Variants in MAP2K5 observed in about 807,000 individuals in gnomAD.
MAP2K5 encodes mitogen-activated protein kinase kinase 5.
Under a neutral mutation model 83.1 loss-of-function variants are expected in MAP2K5, and 49 were observed. That is an observed-to-expected ratio of 0.59 (90% CI 0.47 to 0.75). The LOEUF is 0.75. Among genes scored for constraint, MAP2K5 ranks in the 30% least tolerant of loss-of-function variants. MAP2K5 has a pLI of 0.00. For missense variants in MAP2K5, 457 were observed against 557.5 expected, an observed-to-expected ratio of 0.82 and a Z score of 1.82; for synonymous variants, 202 against 191.8, an observed-to-expected ratio of 1.05 and a Z score of -0.44.
rs1314645077 is a variant in MAP2K5, at chr15:67,738,837, C to T, written c.1075-9394C>T. 2.0e-5 allele frequency among the ~76,000 whole-genome samples: 3 copies of T among 152,160 alleles called. No individual in the cohort carries two copies. The highest frequency in any genetic ancestry group is 4.4e-5 in the Non-Finnish European group (3 of 68,036). ...AGGATATTTCTATGGTCTGCTTTCACCTTAGATGAGCAGCTTCCTCCTCCT... is the reference window on the plus strand; with the variant it reads ...AGGATATTTCTATGGTCTGCTTTCATCTTAGATGAGCAGCTTCCTCCTCCT... On this transcript the variant is annotated intron_variant, in intron 17 of 21. Transcript: ENST00000178640. The surrounding 1 kb of genome is among the most constrained non-coding windows in gnomAD (Gnocchi z 4.1).
chr15:67,571,016 G>T (rs763610806), intron 3 of MAP2K5, among the ~76,000 whole-genome samples: 14 of 152,182 alleles, frequency 9.2e-5, no homozygotes, highest in African/African-American at 3.1e-4. Flanking sequence ...TCCTCTGTAC[G>T]TGAGACTTGC....
chr15:67,640,263 A>G lies in MAP2K5; in HGVS notation c.586-5968A>G, dbSNP rs1596703461. Among the ~76,000 whole-genome samples the G allele has an allele frequency of 6.6e-6, 1 of 152,314 alleles. No homozygotes were observed. The highest frequency in any genetic ancestry group is 1.9e-4 in the East Asian group (1 of 5,192). On this transcript the variant is annotated intron_variant, in intron 9 of 21. Coordinates refer to ENST00000178640, the MANE Select transcript of MAP2K5 (RefSeq NM_145160.3). The surrounding 1 kb of genome is among the most constrained non-coding windows in gnomAD (Gnocchi z 4.6). ...CTTCTGTTTGTTCTTTAGTTCATTC[A>G]TCTTTTAAAGTAACATCTTGAAAGC...
At chr15:67,705,860 A>G (rs1265635020) in intron 16 of MAP2K5, among the ~76,000 whole-genome samples, 1 of 152,226 alleles carries the variant, frequency 6.6e-6, no homozygotes, top group South Asian at 2.1e-4. Context: ...ACCAAGATAG[A>G]GTACACTCTC....
Position 67,783,148 on chromosome 15 carries a change from T to C in MAP2K5, c.1242+10396T>C, listed in dbSNP as rs1209330699. On this transcript the variant is annotated intron_variant, in intron 21 of 21. Transcript: ENST00000178640. This position sits in a 1 kb window ranked among gnomAD's most constrained non-coding sequence, Gnocchi z 5.1. Reference sequence around the variant, plus strand: ...CACTCGCCATTTTTATGTCTTAGCATCTGCTCTGTGCCCAGCATCCTGCCT... The same window carrying C: ...CACTCGCCATTTTTATGTCTTAGCACCTGCTCTGTGCCCAGCATCCTGCCT... 6.6e-6 allele frequency among the ~76,000 whole-genome samples: 1 copy of C among 152,216 alleles called. No homozygotes were observed. The highest frequency in any genetic ancestry group is 1.5e-5 in the Non-Finnish European group (1 of 68,028).
chr15:67,610,470 G>A (rs542159278), intron 8 of MAP2K5, among the ~76,000 whole-genome samples: 15 of 152,242 alleles, frequency 9.9e-5, no homozygotes, highest in East Asian at 1.9e-4. Flanking sequence ...TTCGAAAATC[G>A]TAGTCTCTTG....
intron 13 of MAP2K5, among the ~76,000 whole-genome samples, chr15:67,685,990 C>T (rs2087942638): frequency 6.6e-6 from 1 of 152,132 alleles, no homozygotes; most frequent in African/African-American, 2.4e-5. Flanking sequence ...TGACTCTTTA[C>T]AGGAAAAGTT....
At chr15:67,789,399 T>C (rs1306182267) in intron 21 of MAP2K5, among the ~76,000 whole-genome samples, 1 of 152,218 alleles carries the variant, frequency 6.6e-6, no homozygotes, top group Non-Finnish European at 1.5e-5. Context: ...GATTTTAATC[T>C]TTGCCAACCT....
chr15:67,787,812 A>C (rs2090445103), intron 21 of MAP2K5, among the ~76,000 whole-genome samples: 1 of 152,238 alleles, frequency 6.6e-6, no homozygotes, highest in Non-Finnish European at 1.5e-5. Context: ...ATGTTGACCT[A>C]ACTGTAGGCT....
At position 67,630,892 on chromosome 15, in the gene MAP2K5, T is replaced by C. The variant is rs373083413; in HGVS notation, c.550T>C (p.Tyr184His). 1.2e-6 allele frequency: 2 copies of C among 1,608,412 alleles called. No individual in the cohort carries two copies. Among genetic ancestry groups the C allele is most frequent in the Non-Finnish European group, 1.7e-6 (2 of 1,176,140 alleles). ...TGTTTTTTTTTCTTCCCATAGAGCATATCATGTCCCGAGTGGGAAAATATT... is the reference window on the plus strand; with the variant it reads ...TGTTTTTTTTTCTTCCCATAGAGCACATCATGTCCCGAGTGGGAAAATATT... ...HGNGGTVYKA[Y>H]HVPSGKILAV... The change falls in exon 9 of 22, where the codon TAT becomes CAT. Residue 184 changes from tyrosine (Y) to histidine (H), a missense_variant. Physicochemically the swap from Tyr to His is moderately conservative, Grantham distance 83. Coordinates refer to ENST00000178640, the MANE Select transcript of MAP2K5 (RefSeq NM_145160.3).
chr15:67,733,959 T>A (rs2089283234), intron 17 of MAP2K5, among the ~76,000 whole-genome samples: 1 of 152,240 alleles, frequency 6.6e-6, no homozygotes, highest in South Asian at 2.1e-4. Flanking sequence ...AGGTGGCATT[T>A]GCTTCAGAAC....
At chr15:67,626,360 G>GA (rs2086322170) in intron 8 of MAP2K5, among the ~76,000 whole-genome samples, 1 of 151,834 alleles carries the variant, frequency 6.6e-6, no homozygotes. Flanking sequence ...TTGTCTCTAT[G>GA]AAAAATACAA....
rs1341188142 is a variant in MAP2K5, at chr15:67,780,084, T to A, written c.1242+7332T>A. Among the ~76,000 whole-genome samples the A allele has an allele frequency of 6.6e-6, 1 of 152,212 alleles. No homozygotes were observed. The stretch of plus-strand genomic sequence containing the variant: ...CTTCCTTCTCTGAAGCCCTTCAGCA[T>A]GTATTGTGTCTAGGTTGGAACAGCA... On this transcript the variant is annotated intron_variant, in intron 21 of 21. Transcript: ENST00000178640. The surrounding 1 kb of genome is among the most constrained non-coding windows in gnomAD (Gnocchi z 5.0).
At chr15:67,596,071 A>C (rs1013745647) in intron 7 of MAP2K5, among the ~76,000 whole-genome samples, 1 of 151,828 alleles carries the variant, frequency 6.6e-6, no homozygotes, top group Non-Finnish European at 1.5e-5. Context: ...GATCAGATCT[A>C]GAACTAATTC....
intron 3 of MAP2K5, among the ~76,000 whole-genome samples, chr15:67,579,243 CAT>C (rs2085128205): frequency 6.6e-6 from 1 of 152,078 alleles, no homozygotes; most frequent in African/African-American, 2.4e-5. Flanking sequence ...CTTAATTTTC[CAT>C]GGAAACCTCA....
intron 8 of MAP2K5, among the ~76,000 whole-genome samples, chr15:67,617,769 G>C (rs554665905): frequency 2.0e-5 from 3 of 152,140 alleles, no homozygotes; most frequent in African/African-American, 7.2e-5. Context: ...ATGGCTTACT[G>C]TAGCATCAAC....
intron 3 of MAP2K5, among the ~76,000 whole-genome samples, chr15:67,570,168 T>C (rs1436121254): frequency 6.6e-6 from 1 of 152,252 alleles, no homozygotes; most frequent in Non-Finnish European, 1.5e-5. Flanking sequence ...CATCTGCTAT[T>C]GGCTGCCCAA....
intron 9 of MAP2K5, among the ~76,000 whole-genome samples, chr15:67,641,062 G>A (rs1309568925): frequency 6.6e-6 from 1 of 152,134 alleles, no homozygotes; most frequent in Non-Finnish European, 1.5e-5. Context: ...AATACTGTTA[G>A]CCATCTTGTA....
chr15:67,698,134 A>T lies in MAP2K5; in HGVS notation c.972+4566A>T, dbSNP rs1475932600. Reference sequence around the variant, plus strand: ...TGATAGGATTTTATCCATAAGAATTATAAAAGGGGTCTGGAAACTTGGAGC... The same window carrying T: ...TGATAGGATTTTATCCATAAGAATTTTAAAAGGGGTCTGGAAACTTGGAGC... On this transcript the variant is annotated intron_variant, in intron 15 of 21. Transcript: ENST00000178640. This position sits in a 1 kb window ranked among gnomAD's most constrained non-coding sequence, Gnocchi z 4.5. Among the ~76,000 whole-genome samples, 1 of 152,190 alleles carries T rather than the reference A, an allele frequency of 6.6e-6. No homozygotes were observed. The highest frequency in any genetic ancestry group is 2.4e-5 in the African/African-American group (1 of 41,446).
chr15:67,564,440 A>G (rs1235646747), intron 3 of MAP2K5, among the ~76,000 whole-genome samples: 2 of 152,224 alleles, frequency 1.3e-5, no homozygotes, highest in East Asian at 1.9e-4. Context: ...GATAGACTTC[A>G]GCTTCAGCCA....
Sources: gnomAD v4.1 joint callset for allele counts (sites outside exome capture counted in the v4.1 genomes callset) on GRCh38, gnomAD v4.1.1 for gene constraint, Gnocchi (gnomAD v3.1) non-coding constraint, MANE v1.5 for transcripts, NCBI Gene and HGNC (gene_info 2026-07-23, HGNC 2026-07-21) for gene names.